Variants in KCNH1 observed in about 807,000 individuals in gnomAD.
KCNH1 encodes potassium voltage-gated channel subfamily H member 1.
KCNH1 carries 27 observed loss-of-function variants against 69.2 expected under a neutral mutation model. That is an observed-to-expected ratio of 0.39 (90% CI 0.29 to 0.54). The LOEUF is 0.54. Ranked by LOEUF, KCNH1 falls within the 20% of genes least tolerant of loss-of-function variation. The pLI is 0.68. For missense variants in KCNH1, 798 were observed against 1,261.6 expected (o/e 0.63, Z 5.57); for synonymous variants, 456 against 487.7 (o/e 0.93, Z 0.86).
At chr1:211,124,406 G>A (rs1691741850) in intron 1 of KCNH1, among the ~76,000 whole-genome samples, 1 of 152,142 alleles carries the variant, frequency 6.6e-6, no homozygotes, top group African/African-American at 2.4e-5. Context: ...AGCACTTTGG[G>A]AGGCCGAGGC....
At chr1:210,947,625 C>T in intron 6 of KCNH1, among the ~76,000 whole-genome samples, 1 of 151,124 alleles carries the variant, frequency 6.6e-6, no homozygotes, top group East Asian at 1.9e-4. Flanking sequence ...AAATAACTTA[C>T]ATCAATCAGT....
chr1:211,005,104 C>T (rs1689254682), intron 6 of KCNH1, among the ~76,000 whole-genome samples: 3 of 152,002 alleles, frequency 2.0e-5, no homozygotes, highest in Non-Finnish European at 4.4e-5. Context: ...AGCATCACTA[C>T]ATATCTTACA....
At chr1:211,030,823 A>G (rs1170897456) in intron 5 of KCNH1, among the ~76,000 whole-genome samples, 1 of 152,106 alleles carries the variant, frequency 6.6e-6, no homozygotes, top group Non-Finnish European at 1.5e-5. Context: ...GACTGAAAGG[A>G]ATATCTGCAA....
intron 10 of KCNH1, among the ~76,000 whole-genome samples, chr1:210,685,750 C>T (rs1681395594): frequency 1.3e-5 from 2 of 152,282 alleles, no homozygotes; most frequent in Admixed American, 6.5e-5. Context: ...ACTCACCCTA[C>T]CTCCTCCAAG....
chr1:210,877,942 A>T (rs1686413648), intron 7 of KCNH1, among the ~76,000 whole-genome samples: 1 of 152,220 alleles, frequency 6.6e-6, no homozygotes, highest in African/African-American at 2.4e-5. Context: ...TGCATAAATA[A>T]CAAAGTCACC....
intron 7 of KCNH1, among the ~76,000 whole-genome samples, chr1:210,828,725 A>C (rs1265949049): frequency 6.6e-6 from 1 of 152,196 alleles, no homozygotes; most frequent in African/African-American, 2.4e-5. Context: ...TGTCCTTTCT[A>C]AAAATGTGTT....
chr1:210,835,817 G>A (rs1397886519), intron 7 of KCNH1, among the ~76,000 whole-genome samples: 1 of 152,046 alleles, frequency 6.6e-6, no homozygotes, highest in Non-Finnish European at 1.5e-5. Context: ...TGGCCTCAAT[G>A]AGAACAACTC....
At chr1:210,993,575 C>T (rs1038395472) in intron 6 of KCNH1, among the ~76,000 whole-genome samples, 3 of 152,208 alleles carry the variant, frequency 2.0e-5, no homozygotes, top group African/African-American at 2.4e-5. Flanking sequence ...ACAGAAATTT[C>T]CTGTGCTTGG....
chr1:211,036,115 C>T (rs58255417), intron 5 of KCNH1, among the ~76,000 whole-genome samples: 32,350 of 152,038 alleles, frequency 0.21, 4,370 homozygotes, highest in East Asian at 0.39. Flanking sequence ...AATCCATCTC[C>T]CTGACCAACT....
At chr1:210,953,089 A>C (rs951334869) in intron 6 of KCNH1, among the ~76,000 whole-genome samples, 1 of 152,150 alleles carries the variant, frequency 6.6e-6, no homozygotes, top group African/African-American at 2.4e-5. Flanking sequence ...ACTCCCTCAC[A>C]ATCTTTCTCC....
chr1:211,004,522 T>C (rs1336414654), intron 6 of KCNH1, among the ~76,000 whole-genome samples: 4 of 151,682 alleles, frequency 2.6e-5, no homozygotes, highest in Non-Finnish European at 2.9e-5. Flanking sequence ...TAAAATAATA[T>C]AGAAAGTTAA....
At chr1:210,996,028 C>G (rs1049695502) in intron 6 of KCNH1, among the ~76,000 whole-genome samples, 12 of 152,308 alleles carry the variant, frequency 7.9e-5, no homozygotes, top group Non-Finnish European at 1.5e-4. Flanking sequence ...CGAATAGGAA[C>G]AGCTCTGGTC....
intron 10 of KCNH1, among the ~76,000 whole-genome samples, chr1:210,723,609 T>A (rs181485015): frequency 7.2e-4 from 110 of 152,334 alleles, no homozygotes; most frequent in African/African-American, 2.6e-3. Flanking sequence ...AGGATGATCA[T>A]GCAAAGTGCT....
intron 7 of KCNH1, among the ~76,000 whole-genome samples, chr1:210,878,940 G>A (rs575927830): frequency 6.6e-6 from 1 of 151,874 alleles, no homozygotes; most frequent in East Asian, 1.9e-4. Context: ...CAGAAATGAA[G>A]GTGAGTACAT....
At chr1:210,726,143 G>T (rs2149028893) in intron 10 of KCNH1, among the ~76,000 whole-genome samples, 1 of 152,268 alleles carries the variant, frequency 6.6e-6, no homozygotes, top group South Asian at 2.1e-4. Flanking sequence ...CAATGCAAAA[G>T]GAGGTAGAGT....
chr1:210,936,035 T>C (rs1264127669), intron 6 of KCNH1, among the ~76,000 whole-genome samples: 3 of 152,238 alleles, frequency 2.0e-5, no homozygotes, highest in African/African-American at 7.2e-5. Context: ...TTTTCTGCCA[T>C]AGACAGGGAA....
At chr1:210,712,687 C>T (rs1006625497) in intron 10 of KCNH1, among the ~76,000 whole-genome samples, 4 of 152,188 alleles carry the variant, frequency 2.6e-5, no homozygotes, top group Admixed American at 6.5e-5. Context: ...TGGTTTGGCT[C>T]ATACCTATTC....
Position 210,775,379 on chromosome 1 carries a change from T to C in KCNH1, c.2081A>G (p.Asn694Ser), listed in dbSNP as rs1558464480. ...YTAFSHSFSR[N>S]LILTYNLRKR... ...CCTCAAGTTGTACGTCAGAATCAGG[T>C]TCCGGGAGAAGGAATGGGAGAAGGC... is the stretch of plus-strand genomic sequence containing the variant. The change falls in exon 10 of 11, where the codon AAC becomes AGC. Residue 694 changes from asparagine (N) to serine (S), a missense_variant. By Grantham distance (46) the Asn-to-Ser change is conservative. Coordinates refer to ENST00000271751, the MANE Select transcript of KCNH1 (RefSeq NM_172362.3). The C allele has an allele frequency of 6.2e-6, 10 of 1,614,070 alleles. No individual in the cohort carries two copies. Among genetic ancestry groups the C allele is most frequent in the Non-Finnish European group, 8.5e-6 (10 of 1,179,984 alleles).
rs534343467 is a variant in KCNH1, at chr1:210,827,661, C to T, written c.1463-23495G>A. Among the ~76,000 whole-genome samples the T allele has an allele frequency of 2.0e-5, 3 of 152,300 alleles. No individual in the cohort carries two copies. The South Asian group carries it at 6.2e-4, about 32-fold the overall frequency. On this transcript the variant is annotated intron_variant, in intron 7 of 10. Transcript: ENST00000271751. The stretch of plus-strand genomic sequence containing the variant: ...CTTGAGGAGGAACTGAAGACTAGGA[C>T]ATATTACATCATCTCCTTATGTTAA...
Sources: gnomAD v4.1 joint callset for allele counts (sites outside exome capture counted in the v4.1 genomes callset) on GRCh38, gnomAD v4.1.1 for gene constraint, MANE v1.5 for transcripts, NCBI Gene and HGNC (gene_info 2026-07-23, HGNC 2026-07-21) for gene names.